OTOF: variants seen among roughly 807,000 people sequenced by gnomAD.
OTOF encodes the protein otoferlin, also known as fer-1-like family member 2.
In OTOF, 218 loss-of-function variants were observed where a neutral mutation model predicts 236.8. The ratio of observed to expected loss-of-function variants is 0.92; its 90% confidence interval spans 0.82 to 1.03. OTOF has a LOEUF of 1.03. Among genes scored for constraint, OTOF ranks in the 50% least tolerant of loss-of-function variants. The pLI is 0.00. For synonymous variants in OTOF, 1,041 were observed against 1,072.5 expected, an observed-to-expected ratio of 0.97 and a Z score of 0.57; for missense variants, 2,590 against 2,694.4, an observed-to-expected ratio of 0.96 and a Z score of 0.86.
chr2:26,544,767 A>G (rs1426712193), intron 1 of OTOF, among the ~76,000 whole-genome samples: 1 of 152,098 alleles, frequency 6.6e-6, no homozygotes. Flanking sequence ...GCCGGGCGCA[A>G]TGGCTCATGC....
At chr2:26,459,951 T>C in intron 46 of OTOF, 57 bp downstream of exon 46, 2 of 1,489,602 alleles carry the variant, frequency 1.3e-6, no homozygotes, top group Non-Finnish European at 1.8e-6. Flanking sequence ...TATATGTGTG[T>C]GTGTGCACGC....
In OTOF at chr2:26,477,574, T is replaced by C. The variant is rs1665377390; in HGVS notation, c.2316-68A>G. 1 of 1,599,252 alleles carries C rather than the reference T, an allele frequency of 6.3e-7. No individual in the cohort carries two copies. The highest frequency in any genetic ancestry group is 1.3e-5 in the African/African-American group (1 of 74,622). On this transcript the variant is annotated intron_variant, in intron 19 of 46. Coordinates refer to ENST00000272371, the MANE Select transcript of OTOF (RefSeq NM_194248.3). This position sits in a 1 kb window ranked among gnomAD's most constrained non-coding sequence, Gnocchi z 4.7. ...GGGGCTCTGTAGATTCTTCCTCATC[T>C]GCCCAGCCCTGGCAGGGTCCCCTTT...
At chr2:26,515,405 T>C (rs1018863461) in intron 5 of OTOF, among the ~76,000 whole-genome samples, 1 of 151,836 alleles carries the variant, frequency 6.6e-6, no homozygotes, top group African/African-American at 2.4e-5. Flanking sequence ...CTGAAGCTTG[T>C]GTGTGTGTGT....
At position 26,461,548 on chromosome 2, in the gene OTOF, G is replaced by C. The variant is rs1664461456; in HGVS notation, c.5533+148C>G. The C allele has an allele frequency of 1.8e-6, 2 of 1,105,522 alleles. No individual in the cohort carries two copies. The highest frequency in any genetic ancestry group is 1.3e-6 in the Non-Finnish European group (1 of 759,352). 68.5% of individuals were successfully genotyped at this position (1,105,522 alleles called of 1,614,324 possible). On this transcript the variant is annotated intron_variant, in intron 43 of 46. Transcript: ENST00000272371. This position sits in a 1 kb window ranked among gnomAD's most constrained non-coding sequence, Gnocchi z 6.2. ...ACGGTTAGGTGGGTCCTTGGGGGCGGAACCCCGTCGGACACCCCTGGCTCT... is the reference window on the plus strand; with the variant it reads ...ACGGTTAGGTGGGTCCTTGGGGGCGCAACCCCGTCGGACACCCCTGGCTCT...
At chr2:26,484,698 G>T in intron 11 of OTOF, 65 bp from the exon 12 acceptor site, 1 of 1,563,448 alleles carries the variant, frequency 6.4e-7, no homozygotes, top group Non-Finnish European at 8.8e-7. Flanking sequence ...CAGTGCTCAG[G>T]GCAGGCCAAG....
At chr2:26,496,844 A>G (rs2148073924) in intron 8 of OTOF, among the ~76,000 whole-genome samples, 1 of 152,164 alleles carries the variant, frequency 6.6e-6, no homozygotes, top group African/African-American at 2.4e-5. Context: ...GACACCAGCT[A>G]CCTGTAAGGT....
chr2:26,489,536 T>C, intron 10 of OTOF, 142 bp downstream of exon 10: 1 of 763,480 alleles, frequency 1.3e-6, no homozygotes, highest in Admixed American at 2.0e-5. Flanking sequence ...GAATCCAGCC[T>C]GTCCCTACTT....
intron 30 of OTOF, among the ~76,000 whole-genome samples, chr2:26,472,004 C>A (rs1046062035): frequency 3.3e-5 from 5 of 151,854 alleles, no homozygotes; most frequent in African/African-American, 7.3e-5. Context: ...TATGCACACA[C>A]CACATGCACA....
intron 2 of OTOF, among the ~76,000 whole-genome samples, chr2:26,531,456 C>T (rs1307629299): frequency 6.6e-6 from 1 of 152,156 alleles, no homozygotes; most frequent in African/African-American, 2.4e-5. Context: ...CAGGTGACAG[C>T]AGTCGTAAGT....
chr2:26,463,184 T>C (rs1293831114), intron 41 of OTOF, among the ~76,000 whole-genome samples: 1 of 152,138 alleles, frequency 6.6e-6, no homozygotes, highest in Non-Finnish European at 1.5e-5. Context: ...TATGGGCGCG[T>C]AGACCGTGTA....
At chr2:26,458,315 G>A in intron 46 of OTOF, 95 bp from the exon 47 acceptor site, 1 of 1,288,212 alleles carries the variant, frequency 7.8e-7, no homozygotes, top group Non-Finnish European at 1.1e-6. Flanking sequence ...CAAAAGCCCT[G>A]CCATGGCCCC....
chr2:26,486,153 GATGGGTGGGTGGATGGGTGGATAT>G (rs1244755533), intron 11 of OTOF, among the ~76,000 whole-genome samples: 1 of 150,790 alleles, frequency 6.6e-6, no homozygotes, highest in Non-Finnish European at 1.5e-5. Flanking sequence ...TAGATATATG[GATGGGTGGGTGGATGGGTGGATAT>G]ATGGGTGGGT....
At chr2:26,521,219 C>T (rs1383120869) in intron 3 of OTOF, among the ~76,000 whole-genome samples, 1 of 152,316 alleles carries the variant, frequency 6.6e-6, no homozygotes, top group African/African-American at 2.4e-5. Context: ...CTACTATTAC[C>T]CTTTGTGGAT....
intron 2 of OTOF, among the ~76,000 whole-genome samples, chr2:26,535,058 A>G (rs2037459): frequency 0.37 from 55,578 of 152,160 alleles, 12,619 homozygotes; most frequent in Admixed American, 0.53. Flanking sequence ...CCGTTCCTGA[A>G]CAGGGAATGG....
intron 11 of OTOF, among the ~76,000 whole-genome samples, chr2:26,486,175 T>C (rs1665694697): frequency 6.7e-6 from 1 of 149,708 alleles, no homozygotes; most frequent in African/African-American, 2.5e-5. Context: ...GATGGGTGGA[T>C]ATATGGGTGG....
At chr2:26,503,719 G>A (rs1481037505) in intron 6 of OTOF, 53 bp downstream of exon 6, 5 of 1,519,950 alleles carry the variant, frequency 3.3e-6, no homozygotes, top group Non-Finnish European at 3.6e-6. Context: ...GGAAAGCGGC[G>A]GGAGGGCGCC....
intron 39 of OTOF, 30 bp downstream of exon 39, chr2:26,464,839 G>C: frequency 6.3e-7 from 1 of 1,595,452 alleles, no homozygotes; most frequent in Non-Finnish European, 8.5e-7. Flanking sequence ...CTGGAGAGGG[G>C]GCAGGCGGCT....
intron 5 of OTOF, among the ~76,000 whole-genome samples, chr2:26,515,261 G>A (rs1033495409): frequency 6.6e-6 from 1 of 152,250 alleles, no homozygotes; most frequent in African/African-American, 2.4e-5. Context: ...CCAGGAGTCT[G>A]AGGGGACAGG....
chr2:26,529,453 G>A (rs908477207), intron 2 of OTOF, among the ~76,000 whole-genome samples: 3 of 152,198 alleles, frequency 2.0e-5, no homozygotes, highest in Admixed American at 6.5e-5. Flanking sequence ...TCCAATGGCC[G>A]GAGAGGTGGG....
Sources: allele counts gnomAD v4.1 joint callset (sites outside exome capture counted in the v4.1 genomes callset), GRCh38; gene constraint gnomAD v4.1.1; non-coding constraint Gnocchi (gnomAD v3.1); transcripts MANE v1.5; gene names NCBI Gene and HGNC (gene_info 2026-07-23, HGNC 2026-07-21).